The following AKR1B15 variants were observed in gnomAD, a reference collection of about 807,000 sequenced individuals.
AKR1B15 encodes estradiol 17-beta-dehydrogenase AKR1B15.
AKR1B15 carries 49 observed loss-of-function variants against 38.5 expected under a neutral mutation model. The observed-to-expected ratio is 1.27, with a 90% CI of 1.01 to 1.62. The LOEUF is 1.62. Ranked by LOEUF, AKR1B15 falls within the 40% of genes most tolerant of loss-of-function variation. AKR1B15 has a pLI of 0.00. For missense variants in AKR1B15, 411 were observed against 381.6 expected (o/e 1.08, Z -0.64); for synonymous variants, 137 against 135.5 (o/e 1.01, Z -0.08).
At chr7:134,560,602 T>C (rs892209064) in intron 2 of AKR1B15, among the ~76,000 whole-genome samples, 5 of 152,246 alleles carry the variant, frequency 3.3e-5, no homozygotes, top group Admixed American at 2.0e-4. Context: ...CTAGAAGGAA[T>C]ATTTTTATGA....
At chr7:134,559,563 A>G (rs1794320279) in intron 2 of AKR1B15, among the ~76,000 whole-genome samples, 1 of 152,210 alleles carries the variant, frequency 6.6e-6, no homozygotes, top group South Asian at 2.1e-4. Flanking sequence ...GGACAGATCC[A>G]TTTCTTAGAG....
chr7:134,577,068 C>G (rs1180844104), intron 10 of AKR1B15, 22 bp downstream of exon 10: 3 of 1,595,826 alleles, frequency 1.9e-6, no homozygotes, highest in Non-Finnish European at 1.7e-6. Context: ...GCTGGTCGGG[C>G]CTGGTATTCC....
At chr7:134,553,579 C>T (rs572509113) in intron 1 of AKR1B15, among the ~76,000 whole-genome samples, 4 of 152,340 alleles carry the variant, frequency 2.6e-5, no homozygotes, top group Admixed American at 6.5e-5. Context: ...TTAACCCTTA[C>T]GGCTCCTCAT....
intron 3 of AKR1B15, among the ~76,000 whole-genome samples, chr7:134,567,940 G>A (rs1039518697): frequency 6.6e-6 from 1 of 152,118 alleles, no homozygotes; most frequent in Non-Finnish European, 1.5e-5. Flanking sequence ...AGACCCCAGC[G>A]AAGCCTTGGT....
intron 1 of AKR1B15, among the ~76,000 whole-genome samples, chr7:134,550,182 C>A (rs1022434582): frequency 1.3e-5 from 2 of 152,150 alleles, no homozygotes; most frequent in African/African-American, 4.8e-5. Context: ...TTAAATAAGG[C>A]ACTGTGCAGA....
chr7:134,559,742 T>G (rs935206758), intron 2 of AKR1B15, among the ~76,000 whole-genome samples: 3 of 152,240 alleles, frequency 2.0e-5, no homozygotes, highest in African/African-American at 7.2e-5. Flanking sequence ...AAACCAGGAA[T>G]AGCTTGGTAA....
At chr7:134,549,895 C>T (rs2117580379) in intron 1 of AKR1B15, among the ~76,000 whole-genome samples, 1 of 152,270 alleles carries the variant, frequency 6.6e-6, no homozygotes, top group African/African-American at 2.4e-5. Context: ...ATTTTCTATC[C>T]CAGGAGGTCA....
chr7:134,566,448 G>A (rs1428699781), intron 3 of AKR1B15, among the ~76,000 whole-genome samples: 1 of 152,192 alleles, frequency 6.6e-6, no homozygotes, highest in Non-Finnish European at 1.5e-5. Flanking sequence ...TGGGAGTCGT[G>A]AGCTCCACCC....
intron 6 of AKR1B15, among the ~76,000 whole-genome samples, chr7:134,572,971 A>G (rs1794696283): frequency 6.6e-6 from 1 of 152,176 alleles, no homozygotes; most frequent in African/African-American, 2.4e-5. Context: ...TAGAATTGAC[A>G]TGATTCAATT....
chr7:134,550,315 A>C (rs1431626036), intron 1 of AKR1B15, among the ~76,000 whole-genome samples: 1 of 152,054 alleles, frequency 6.6e-6, no homozygotes, highest in Non-Finnish European at 1.5e-5. Context: ...CTTACCCTGC[A>C]CATCTCATTT....
intron 1 of AKR1B15, among the ~76,000 whole-genome samples, chr7:134,554,686 G>A (rs1339418274): frequency 6.6e-6 from 1 of 152,172 alleles, no homozygotes; most frequent in African/African-American, 2.4e-5. Context: ...AACCACACTT[G>A]GCAGGGTATA....
At chr7:134,562,279 C>G (rs1357589669) in intron 2 of AKR1B15, among the ~76,000 whole-genome samples, 5 of 152,312 alleles carry the variant, frequency 3.3e-5, no homozygotes, top group East Asian at 1.9e-4. Context: ...TTATTTTGAA[C>G]AGCGGAAGAA....
chr7:134,562,332 A>G (rs1794419485), intron 2 of AKR1B15, among the ~76,000 whole-genome samples: 1 of 152,150 alleles, frequency 6.6e-6, no homozygotes, highest in Non-Finnish European at 1.5e-5. Flanking sequence ...CGGGTTGCCT[A>G]AGCGTTGCTG....
In AKR1B15 at chr7:134,555,016, G is replaced by T. The variant is rs201937292; in HGVS notation, c.-146-1720G>T. Among the ~76,000 whole-genome samples the T allele has an allele frequency of 1.1e-4, 17 of 149,774 alleles. No individual in the cohort carries two copies. The East Asian group carries it at 3.3e-3, about 29-fold the overall frequency. Reference sequence around the variant, plus strand: ...TAGAAACCAGTGAAAACTAGGTAAAGCTCCTTCCTTTAGCCCTTCTTAGAG... The same window carrying T: ...TAGAAACCAGTGAAAACTAGGTAAATCTCCTTCCTTTAGCCCTTCTTAGAG... On this transcript the variant is annotated intron_variant, in intron 1 of 11. Coordinates refer to ENST00000457545, the MANE Select transcript of AKR1B15 (RefSeq NM_001080538.3).
chr7:134,551,107 G>A (rs1384637719), intron 1 of AKR1B15, among the ~76,000 whole-genome samples: 4 of 152,126 alleles, frequency 2.6e-5, no homozygotes, highest in African/African-American at 9.7e-5. Context: ...GATTCCTCCT[G>A]TACTGCCTCC....
At chr7:134,569,699 C>T (rs1333917529) in intron 5 of AKR1B15, 170 bp downstream of exon 5, 1 of 616,748 alleles carries the variant, frequency 1.6e-6, no homozygotes, top group Admixed American at 3.1e-5. Context: ...TTACGCCTGT[C>T]TTTACTGCAA....
chr7:134,564,018 C>T (rs535222578), intron 2 of AKR1B15, among the ~76,000 whole-genome samples: 29 of 152,164 alleles, frequency 1.9e-4, no homozygotes, highest in Non-Finnish European at 3.2e-4. Context: ...ACTGGACAGG[C>T]ACCTGCAACC....
intron 2 of AKR1B15, among the ~76,000 whole-genome samples, chr7:134,562,880 TTC>T (rs1413775164): frequency 7.2e-6 from 1 of 139,322 alleles, no homozygotes; most frequent in East Asian, 2.0e-4. Context: ...CTTTCTTTCT[TTC>T]TTTCTTTCCT....
chr7:134,559,868 G>A (rs1182704634), intron 2 of AKR1B15, among the ~76,000 whole-genome samples: 2 of 152,128 alleles, frequency 1.3e-5, no homozygotes, highest in African/African-American at 2.4e-5. Flanking sequence ...CCAGCACTTT[G>A]GGAGGCCAAG....
Sources: allele counts gnomAD v4.1 joint callset (sites outside exome capture counted in the v4.1 genomes callset), GRCh38; gene constraint gnomAD v4.1.1; transcripts MANE v1.5; gene names NCBI Gene and HGNC (gene_info 2026-07-23, HGNC 2026-07-21).